INPP4A: variants seen among roughly 807,000 people sequenced by gnomAD.
The protein encoded by INPP4A is inositol polyphosphate-4-phosphatase, type I, 107kD.
INPP4A carries 33 observed loss-of-function variants against 119.8 expected under a neutral mutation model. That is an observed-to-expected ratio of 0.28 (90% CI 0.21 to 0.37). INPP4A has a LOEUF of 0.37. INPP4A is among the 10% of genes least tolerant of loss of function. The pLI, the probability that INPP4A is intolerant of heterozygous loss-of-function variation, is 1.00. For missense variants in INPP4A, 956 were observed against 1,289.9 expected, an observed-to-expected ratio of 0.74 and a Z score of 3.97; for synonymous variants, 496 against 500.7, an observed-to-expected ratio of 0.99 and a Z score of 0.12.
At chr2:98,548,099 G>T (rs890684040) in intron 13 of INPP4A, among the ~76,000 whole-genome samples, 42 of 151,434 alleles carry the variant, frequency 2.8e-4, no homozygotes, top group African/African-American at 1.0e-3. Flanking sequence ...GGCAGCTAGG[G>T]GCGTCACTGA....
chr2:98,536,244 G>T, intron 7 of INPP4A, 36 bp downstream of exon 7: 1 of 1,285,118 alleles, frequency 7.8e-7, no homozygotes, highest in Middle Eastern at 1.8e-4. Flanking sequence ...AAAGGATCTG[G>T]AATCATGAGG....
chr2:98,581,541 C>A (rs781573319), intron 24 of INPP4A: 1 of 1,477,462 alleles, frequency 6.8e-7, no homozygotes, highest in African/African-American at 1.5e-5. Flanking sequence ...TTCCTTTTTC[C>A]TTTTTCTTTC....
At position 98,535,710 on chromosome 2, in the gene INPP4A, A is replaced by G; in HGVS notation, c.271-19A>G. On this transcript the variant is annotated intron_variant, in intron 5 of 24. Coordinates refer to ENST00000409851, the MANE Select transcript of INPP4A (RefSeq NM_001134225.2). ...AAAAATCCAACCCTGTGTTCTGATTATTTCCTTTTCTGTTCTAGGGAACCA... is the reference window on the plus strand; with the variant it reads ...AAAAATCCAACCCTGTGTTCTGATTGTTTCCTTTTCTGTTCTAGGGAACCA... 4 of 1,164,810 alleles carry G rather than the reference A, an allele frequency of 3.4e-6. No homozygotes were observed. Among genetic ancestry groups the G allele is most frequent in the African/African-American group, 1.5e-5 (1 of 65,798 alleles). 72.2% of individuals were successfully genotyped at this position (1,164,810 alleles called of 1,614,324 possible). A position where few individuals can be genotyped will look rare whatever the true frequency, so the allele number is the denominator to read the frequency against.
At chr2:98,586,960 C>T (rs556365766) in intron 24 of INPP4A, among the ~76,000 whole-genome samples, 15 of 152,338 alleles carry the variant, frequency 9.8e-5, no homozygotes, top group African/African-American at 3.6e-4. Flanking sequence ...CAGACCAGAA[C>T]GCCTTCCTAG....
In INPP4A at chr2:98,566,870, C is replaced by T. The variant is rs1559090791; in HGVS notation, c.2420+701C>T. On this transcript the variant is annotated intron_variant, in intron 21 of 24. Coordinates refer to ENST00000409851, the MANE Select transcript of INPP4A (RefSeq NM_001134225.2). The surrounding 1 kb of genome is among the most constrained non-coding windows in gnomAD (Gnocchi z 4.2). The stretch of plus-strand genomic sequence containing the variant: ...GAATGATTCCTGTGTTGTCATTTAT[C>T]TTCATGTGATATGTGTAGAATAGTC... 1.3e-5 allele frequency among the ~76,000 whole-genome samples: 2 copies of T among 152,186 alleles called. No homozygotes were observed. Among genetic ancestry groups the T allele is most frequent in the African/African-American group, 2.4e-5 (1 of 41,434 alleles).
intron 1 of INPP4A, among the ~76,000 whole-genome samples, chr2:98,475,796 G>A (rs1677080231): frequency 6.6e-6 from 1 of 152,160 alleles, no homozygotes; most frequent in Non-Finnish European, 1.5e-5. Flanking sequence ...TACCCATAGT[G>A]GGCAGGGATG....
At chr2:98,465,915 G>T (rs1219530286) in intron 1 of INPP4A, among the ~76,000 whole-genome samples, 1 of 152,100 alleles carries the variant, frequency 6.6e-6, no homozygotes, top group Non-Finnish European at 1.5e-5. Context: ...TTCCTCTCTG[G>T]CTGTGTGCCC....
At chr2:98,559,664 A>G (rs915682402) in intron 17 of INPP4A, among the ~76,000 whole-genome samples, 169 bp downstream of exon 17, 1 of 152,222 alleles carries the variant, frequency 6.6e-6, no homozygotes, top group Non-Finnish European at 1.5e-5. Flanking sequence ...TTGATGAGGG[A>G]CCAGTTGGGC....
intron 19 of INPP4A, 88 bp from the exon 20 acceptor site, chr2:98,565,552 C>A (rs1696277369): frequency 1.4e-6 from 2 of 1,450,638 alleles, no homozygotes; most frequent in South Asian, 1.4e-5. Context: ...CCTGTCACAG[C>A]CAGGCCTGGG....
At chr2:98,553,603 C>G (rs1300728064) in intron 14 of INPP4A, among the ~76,000 whole-genome samples, 2 of 152,080 alleles carry the variant, frequency 1.3e-5, no homozygotes, top group Non-Finnish European at 2.9e-5. Flanking sequence ...CAGATTCTGA[C>G]TATACCTCCA....
Position 98,555,482 on chromosome 2 carries a change from G to A in INPP4A, c.1567-71G>A, listed in dbSNP as rs111875827. On this transcript the variant is annotated intron_variant, in intron 15 of 24. Transcript: ENST00000409851. ...CTAGGGCAGGGGATCAGTGGAGGGC[G>A]ATTTGGTTTGTGTTATGTTTGTGTT... is the stretch of plus-strand genomic sequence containing the variant. 1,406 of 1,505,624 alleles carry A rather than the reference G, an allele frequency of 9.3e-4. 12 individuals are homozygous for A. The African/African-American group carries it at 0.017, about 18-fold the overall frequency. 93.3% of individuals were successfully genotyped at this position (1,505,624 alleles called of 1,614,324 possible).
At chr2:98,501,567 A>G (rs1222447080) in intron 1 of INPP4A, among the ~76,000 whole-genome samples, 1 of 152,140 alleles carries the variant, frequency 6.6e-6, no homozygotes, top group East Asian at 1.9e-4. Context: ...TGATGCCCTC[A>G]CTGAGGCAGG....
rs557472012 is a variant in INPP4A, at chr2:98,498,128, A to G, written c.-165-20836A>G. Among the ~76,000 whole-genome samples the G allele has an allele frequency of 3.8e-3, 575 of 152,190 alleles. 3 individuals carry two copies. Among genetic ancestry groups the G allele is most frequent in the African/African-American group, 0.013 (539 of 41,514 alleles). Reference sequence around the variant, plus strand: ...AAAATGTGAGGACATGAGATTTGATAGGGGCCAGGGGTGGAATGATATGGT... The same window carrying G: ...AAAATGTGAGGACATGAGATTTGATGGGGGCCAGGGGTGGAATGATATGGT... On this transcript the variant is annotated intron_variant, in intron 1 of 24. Transcript: ENST00000409851.
intron 1 of INPP4A, among the ~76,000 whole-genome samples, chr2:98,448,268 A>C (rs1694592784): frequency 6.7e-6 from 1 of 150,284 alleles, no homozygotes; most frequent in Admixed American, 6.7e-5. Context: ...AGGCATGAGA[A>C]TCTCTTGAAC....
rs546546781 is a variant in INPP4A at position 98,494,948 on chromosome 2, T to C, written c.-165-24016T>C. 1.1e-4 allele frequency among the ~76,000 whole-genome samples: 16 copies of C among 152,292 alleles called. No individual in the cohort carries two copies. The South Asian group carries it at 3.3e-3, about 32-fold the overall frequency. On this transcript the variant is annotated intron_variant, in intron 1 of 24. Coordinates refer to ENST00000409851, the MANE Select transcript of INPP4A (RefSeq NM_001134225.2). ...GAAGATACAGACAGCCCTGATAAAA[T>C]GATTGTCATCCCAGAGAGAATGTGT... is the stretch of plus-strand genomic sequence containing the variant.
chr2:98,587,707 T>C lies in INPP4A; in HGVS notation c.*99T>C, dbSNP rs1700090459. On this transcript the variant is annotated 3_prime_UTR_variant, in exon 25 of 25. Coordinates refer to ENST00000409851, the MANE Select transcript of INPP4A (RefSeq NM_001134225.2). ...AGAAGACCTGAAGGATTGGTTTTTATTTTTTGTGGTTTTTTTAAAAAAAAC... is the reference window on the plus strand; with the variant it reads ...AGAAGACCTGAAGGATTGGTTTTTACTTTTTGTGGTTTTTTTAAAAAAAAC... 1.0e-6 allele frequency: 1 copy of C among 1,000,618 alleles called. No homozygotes were observed. The highest frequency in any genetic ancestry group is 2.9e-5 in the East Asian group (1 of 34,962). 62.0% of individuals were successfully genotyped at this position (1,000,618 alleles called of 1,614,324 possible). A position where few individuals can be genotyped will look rare whatever the true frequency, so the allele number is the denominator to read the frequency against.
intron 1 of INPP4A, among the ~76,000 whole-genome samples, chr2:98,491,305 C>T (rs1048021633): frequency 2.6e-5 from 4 of 152,218 alleles, no homozygotes; most frequent in Admixed American, 1.3e-4. Flanking sequence ...GTCTCATGAG[C>T]AGCCATCCTG....
intron 1 of INPP4A, among the ~76,000 whole-genome samples, chr2:98,517,838 A>T (rs980948243): frequency 2.6e-5 from 4 of 152,234 alleles, no homozygotes; most frequent in Admixed American, 1.3e-4. Flanking sequence ...TTAATGCCAG[A>T]TGGCTTTCTG....
At chr2:98,521,822 GC>G (rs1317940502) in intron 4 of INPP4A, 1 of 151,848 alleles carries the variant, frequency 6.6e-6, no homozygotes, top group Non-Finnish European at 1.5e-5. Context: ...TGTATTGCCA[GC>G]TACTAAGGAG....
Sources: allele counts gnomAD v4.1 joint callset (sites outside exome capture counted in the v4.1 genomes callset), GRCh38; gene constraint gnomAD v4.1.1; non-coding constraint Gnocchi (gnomAD v3.1); transcripts MANE v1.5; gene names NCBI Gene and HGNC (gene_info 2026-07-23, HGNC 2026-07-21).